The following SMYD3 variants were observed in gnomAD, a reference collection of about 807,000 sequenced individuals.
SMYD3 encodes the protein histone-lysine N-methyltransferase SMYD3.
Under a neutral mutation model 57.7 loss-of-function variants are expected in SMYD3, and 36 were observed. The observed-to-expected ratio is 0.62, with a 90% confidence interval of 0.48 to 0.82. SMYD3 has a LOEUF of 0.82. Ranked by LOEUF, SMYD3 falls within the 40% of genes least tolerant of loss-of-function variation. SMYD3 has a pLI of 0.00. For synonymous variants in SMYD3, 211 were observed against 195.0 expected, an observed-to-expected ratio of 1.08 and a Z score of -0.68; for missense variants, 515 against 538.8, an observed-to-expected ratio of 0.96 and a Z score of 0.44.
Position 245,858,551 on chromosome 1 carries a change from G to A in SMYD3, c.1021C>T (p.Leu341Phe), listed in dbSNP as rs2051373001. The A allele has an allele frequency of 6.2e-7, 1 of 1,614,068 alleles. No individual in the cohort carries two copies. The highest frequency in any genetic ancestry group is 1.3e-5 in the African/African-American group (1 of 74,920). ...AACAAGGCTTCCTCCAACAGGCCGA[G>A]GTTGATGCAGGCATCCATGGCGCAG... ...LDCAMDACIN[L>F]GLLEEALFYG... Residue 341 changes from leucine (L) to phenylalanine (F), a missense_variant, in exon 10 of 12, where the codon CTC (leucine) becomes TTC (phenylalanine). Physicochemically the swap from Leu to Phe is conservative, Grantham distance 22. Transcript: ENST00000490107.
At chr1:246,494,114 T>A (rs2068319225) in intron 1 of SMYD3, among the ~76,000 whole-genome samples, 1 of 152,266 alleles carries the variant, frequency 6.6e-6, no homozygotes, top group Middle Eastern at 3.4e-3. Flanking sequence ...CATGTGCACC[T>A]CATACTGCAG....
Position 246,438,073 on chromosome 1 carries a change from A to G in SMYD3, c.164+68981T>C, listed in dbSNP as rs1000137823. Among the ~76,000 whole-genome samples, 7 of 152,238 alleles carry G rather than the reference A, an allele frequency of 4.6e-5. No homozygotes were observed. The East Asian group carries it at 7.7e-4, about 17-fold the overall frequency. ...AGATCAAAGATCAAATAGAGGGGGG[A>G]AAAACCCTGTAATTCTCTACTGCAG... On this transcript the variant is annotated intron_variant, in intron 1 of 11. Coordinates refer to ENST00000490107, the MANE Select transcript of SMYD3 (RefSeq NM_001167740.2).
At chr1:246,271,011 A>G (rs1275109184) in intron 5 of SMYD3, among the ~76,000 whole-genome samples, 1 of 152,072 alleles carries the variant, frequency 6.6e-6, no homozygotes. Context: ...CAGTCATCCT[A>G]ATTTGTGTGA....
intron 5 of SMYD3, among the ~76,000 whole-genome samples, chr1:246,125,438 C>T (rs994235629): frequency 6.6e-5 from 10 of 152,120 alleles, no homozygotes; most frequent in Non-Finnish European, 1.0e-4. Context: ...TGACAAGTTT[C>T]TATGACAAAG....
At chr1:246,044,691 G>A (rs6426268) in intron 5 of SMYD3, among the ~76,000 whole-genome samples, 70,610 of 151,930 alleles carry the variant, frequency 0.46, 17,858 homozygotes, top group East Asian at 0.8. Context: ...GTACAGGTGT[G>A]CAACAAATTA....
At chr1:246,068,612 CCA>C in intron 5 of SMYD3, among the ~76,000 whole-genome samples, 1 of 152,328 alleles carries the variant, frequency 6.6e-6, no homozygotes, top group South Asian at 2.1e-4. Flanking sequence ...CAAACCCCTA[CCA>C]CAGTTTCCTC....
intron 5 of SMYD3, among the ~76,000 whole-genome samples, chr1:246,196,408 T>C (rs1366505092): frequency 6.6e-6 from 1 of 152,144 alleles, no homozygotes; most frequent in Non-Finnish European, 1.5e-5. Context: ...CCAAGTTAAA[T>C]AAATGAAAAA....
chr1:245,913,995 A>C (rs2055211401), intron 8 of SMYD3, among the ~76,000 whole-genome samples: 1 of 152,222 alleles, frequency 6.6e-6, no homozygotes, highest in Admixed American at 6.5e-5. Context: ...GGATGTGGGG[A>C]AAACATACTC....
chr1:246,222,832 G>A (rs4585952), intron 5 of SMYD3, among the ~76,000 whole-genome samples: 11,358 of 152,106 alleles, frequency 0.075, 798 homozygotes, highest in East Asian at 0.24. Context: ...GTCACCATGC[G>A]GTTTAGAAGG....
chr1:246,190,815 A>G (rs1038277145), intron 5 of SMYD3, among the ~76,000 whole-genome samples: 1 of 152,016 alleles, frequency 6.6e-6, no homozygotes, highest in Non-Finnish European at 1.5e-5. Context: ...CCCGACTTCT[A>G]TTTTGGATTA....
intron 2 of SMYD3, among the ~76,000 whole-genome samples, chr1:246,347,232 G>T (rs2065737009): frequency 6.6e-6 from 1 of 152,006 alleles, no homozygotes; most frequent in South Asian, 2.1e-4. Flanking sequence ...GTCAGAAGAA[G>T]AATAAAGAGA....
intron 1 of SMYD3, among the ~76,000 whole-genome samples, chr1:246,466,022 T>C (rs2067876426): frequency 6.6e-6 from 1 of 152,254 alleles, no homozygotes; most frequent in South Asian, 2.1e-4. Context: ...TCCACCTGCC[T>C]TGGCCTCCCA....
At chr1:246,088,114 T>C (rs1297937984) in intron 5 of SMYD3, among the ~76,000 whole-genome samples, 1 of 152,122 alleles carries the variant, frequency 6.6e-6, no homozygotes, top group African/African-American at 2.4e-5. Context: ...AGACTGTCCC[T>C]ATCTACAGCG....
chr1:246,189,173 A>G (rs1445010795), intron 5 of SMYD3: 1 of 152,192 alleles, frequency 6.6e-6, no homozygotes, highest in African/African-American at 2.4e-5. Context: ...CAAACTTCTA[A>G]CTTCTTAAAG....
At chr1:246,386,346 T>C (rs1192423091) in intron 1 of SMYD3, among the ~76,000 whole-genome samples, 7 of 152,206 alleles carry the variant, frequency 4.6e-5, no homozygotes, top group Non-Finnish European at 1.0e-4. Flanking sequence ...GAGATTGTGT[T>C]TTCTACTGGG....
At chr1:245,972,966 A>G (rs1314043190) in intron 5 of SMYD3, among the ~76,000 whole-genome samples, 1 of 152,190 alleles carries the variant, frequency 6.6e-6, no homozygotes, top group African/African-American at 2.4e-5. Context: ...TTTCCCACCT[A>G]TTATAATGCC....
intron 5 of SMYD3, among the ~76,000 whole-genome samples, chr1:246,094,920 A>C (rs753621651): frequency 1.3e-5 from 2 of 151,698 alleles, no homozygotes; most frequent in Non-Finnish European, 2.9e-5. Context: ...TCCATGGCGG[A>C]CTTTCCTCTT....
At chr1:246,222,562 G>C (rs757380087) in intron 5 of SMYD3, among the ~76,000 whole-genome samples, 2 of 152,134 alleles carry the variant, frequency 1.3e-5, no homozygotes, top group Non-Finnish European at 2.9e-5. Flanking sequence ...TTATCAGCAA[G>C]AGCTCCTGTC....
rs1460247032 is a variant in SMYD3, at chr1:246,083,537, C to T, written c.532-153600G>A. 1.0e-4 allele frequency among the ~76,000 whole-genome samples: 5 copies of T among 47,952 alleles called. No homozygotes were observed. In the East Asian group the frequency reaches 1.6e-3, roughly 15 times the overall value. The allele number at this position is 47,952 out of a possible 152,430, so 31.5% of individuals were successfully genotyped here. A position where few individuals can be genotyped will look rare whatever the true frequency, so the allele number is the denominator to read the frequency against. On this transcript the variant is annotated intron_variant, in intron 5 of 11. Coordinates refer to ENST00000490107, the MANE Select transcript of SMYD3 (RefSeq NM_001167740.2). ...CGCGGGTCCCCTGCGCCCACTTTTCCTTCTCTATACTTTGTCTCTGTGTAT... is the reference window on the plus strand; with the variant it reads ...CGCGGGTCCCCTGCGCCCACTTTTCTTTCTCTATACTTTGTCTCTGTGTAT...
Sources: gnomAD v4.1 joint callset for allele counts (sites outside exome capture counted in the v4.1 genomes callset) on GRCh38, gnomAD v4.1.1 for gene constraint, MANE v1.5 for transcripts, NCBI Gene and HGNC (gene_info 2026-07-23, HGNC 2026-07-21) for gene names.